Variants in CASK observed in about 807,000 individuals in gnomAD.
CASK encodes the protein peripheral plasma membrane protein CASK.
A neutral mutation model predicts 82.9 loss-of-function variants in CASK; 4 were observed. That is an observed-to-expected ratio of 0.05 (90% CI 0.02 to 0.11). The LOEUF (loss-of-function observed/expected upper bound fraction) is 0.11, where lower values mean the gene tolerates loss of function less well. CASK is among the 10% of genes least tolerant of loss of function. The probability of loss-of-function intolerance (pLI) is 1.00; values close to 1 mark genes in which losing one functional copy is unlikely to be tolerated. For missense variants in CASK, 358 were observed against 720.9 expected, an observed-to-expected ratio of 0.50 and a Z score of 5.76; for synonymous variants, 259 against 253.5, an observed-to-expected ratio of 1.02 and a Z score of -0.20.
intron 12 of CASK, among the ~76,000 whole-genome samples, chrX:41,607,057 C>T (rs2065974113): frequency 8.9e-6 from 1 of 112,595 alleles, no homozygotes; most frequent in South Asian, 3.6e-4. Context: ...TTCAAATTGA[C>T]CTGCACTGAC....
chrX:41,888,342 T>A (rs1038234109), intron 1 of CASK, among the ~76,000 whole-genome samples: 1 of 110,664 alleles, frequency 9.0e-6, no homozygotes, highest in African/African-American at 3.3e-5. Context: ...ATTTTTTTTT[T>A]ATTTCTGAGA....
At chrX:41,765,382 A>T (rs1002542335) in intron 3 of CASK, among the ~76,000 whole-genome samples, 1 of 112,379 alleles carries the variant, frequency 8.9e-6, no homozygotes, top group Non-Finnish European at 1.9e-5. Flanking sequence ...GCGATGCAAA[A>T]TGACACAACA....
At position 41,756,862 on chromosome X, in the gene CASK, C is replaced by G. The variant is rs573110506; in HGVS notation, c.279-11261G>C. On this transcript the variant is annotated intron_variant, in intron 3 of 26. Transcript: ENST00000378163. ...CAGGCAAGCTGACTTACAGTCCATG[C>G]ATTATCCTCCACAAAATGCTCAGGT... Among the ~76,000 whole-genome samples, 36 of 112,266 alleles carry G rather than the reference C, an allele frequency of 3.2e-4. No homozygotes were observed. The South Asian group carries it at 8.5e-3, about 26-fold the overall frequency.
chrX:41,783,427 T>A (rs1357095489), intron 3 of CASK, among the ~76,000 whole-genome samples: 1 of 107,374 alleles, frequency 9.3e-6, no homozygotes, highest in African/African-American at 3.4e-5. Flanking sequence ...TAGCCAGGCG[T>A]GGTGACCTGT....
intron 5 of CASK, among the ~76,000 whole-genome samples, chrX:41,693,671 C>G (rs887529942): frequency 9.0e-6 from 1 of 111,613 alleles, no homozygotes; most frequent in Non-Finnish European, 1.9e-5. Context: ...TCACAAGAAA[C>G]ATGCCTATAC....
At chrX:41,846,909 A>G (rs1439127479) in intron 2 of CASK, among the ~76,000 whole-genome samples, 2 of 111,613 alleles carry the variant, frequency 1.8e-5, no homozygotes, top group Non-Finnish European at 3.8e-5. Context: ...TTCTTGGTAG[A>G]TATTATTTTT....
chrX:41,615,821 T>C (rs1324670946), intron 11 of CASK, among the ~76,000 whole-genome samples: 3 of 110,249 alleles, frequency 2.7e-5, no homozygotes, highest in Non-Finnish European at 5.7e-5. Context: ...GAGACGGGGT[T>C]TCACCATGTC....
At chrX:41,910,578 C>T (rs1301778970) in intron 1 of CASK, among the ~76,000 whole-genome samples, 8 of 111,818 alleles carry the variant, frequency 7.2e-5, no homozygotes, top group African/African-American at 2.6e-4. Flanking sequence ...GGGCCTAATT[C>T]TGAAGCCACC....
At chrX:41,529,561 G>A (rs1171819564) in intron 25 of CASK, 1 of 113,412 alleles carries the variant, frequency 8.8e-6, no homozygotes, top group African/African-American at 3.3e-5. Flanking sequence ...GAAGACCAGT[G>A]TGGAACCCAA....
At chrX:41,880,506 T>C (rs565526527) in intron 1 of CASK, among the ~76,000 whole-genome samples, 2 of 111,616 alleles carry the variant, frequency 1.8e-5, no homozygotes, top group African/African-American at 6.5e-5. Context: ...CTTTCACTGT[T>C]AATAATTTCC....
intron 16 of CASK, among the ~76,000 whole-genome samples, chrX:41,563,040 C>CAAAAA (rs141364032): frequency 0.021 from 444 of 21,594 alleles, no homozygotes; most frequent in Middle Eastern, 0.077. Context: ...GACTCCATCT[C>CAAAAA]AAAAAAAAAA....
intron 1 of CASK, among the ~76,000 whole-genome samples, chrX:41,884,648 T>C (rs2072016651): frequency 8.9e-6 from 1 of 111,924 alleles, no homozygotes; most frequent in Non-Finnish European, 1.9e-5. Context: ...GCTTGGCCAA[T>C]GAGATAAAAG....
chrX:41,869,096 G>A (rs2071646607), intron 1 of CASK, among the ~76,000 whole-genome samples: 1 of 111,316 alleles, frequency 9.0e-6, no homozygotes, highest in African/African-American at 3.3e-5. Context: ...GATGATCTAG[G>A]AGAAAAAGGG....
chrX:41,641,509 CCTA>C (rs2066652703), intron 8 of CASK, among the ~76,000 whole-genome samples: 1 of 111,323 alleles, frequency 9.0e-6, no homozygotes, highest in Non-Finnish European at 1.9e-5. Context: ...TCTTAGATGG[CCTA>C]CTTTTGTTGG....
chrX:41,658,997 G>A (rs970401165), intron 8 of CASK, among the ~76,000 whole-genome samples: 6 of 111,477 alleles, frequency 5.4e-5, no homozygotes, highest in Non-Finnish European at 9.4e-5. Flanking sequence ...GGAGGGGGTT[G>A]TAGGGTCAGG....
At chrX:41,707,989 G>A (rs1014945410) in intron 5 of CASK, among the ~76,000 whole-genome samples, 19 of 110,425 alleles carry the variant, frequency 1.7e-4, no homozygotes, top group African/African-American at 5.3e-4. Flanking sequence ...GTGGTGGCGC[G>A]TGCCTGTAAT....
chrX:41,726,993 C>T (rs773818968), intron 5 of CASK: 1 of 869,463 alleles, frequency 1.2e-6, no homozygotes, highest in African/African-American at 2.0e-5. Context: ...TCTATTCTAG[C>T]TCCTGTGACA....
At chrX:41,869,797 A>C (rs1353009647) in intron 1 of CASK, among the ~76,000 whole-genome samples, 1 of 83,104 alleles carries the variant, frequency 1.2e-5, no homozygotes, top group Non-Finnish European at 2.3e-5. Context: ...TGGGTGATGA[A>C]GTAAGACTCT....
intron 11 of CASK, among the ~76,000 whole-genome samples, chrX:41,616,395 G>T (rs2066197840): frequency 9.0e-6 from 1 of 111,009 alleles, no homozygotes; most frequent in Non-Finnish European, 1.9e-5. Context: ...AAGGTTCATG[G>T]AAGGGCATAA....
Sources: allele counts gnomAD v4.1 joint callset (sites outside exome capture counted in the v4.1 genomes callset), GRCh38; gene constraint gnomAD v4.1.1; transcripts MANE v1.5; gene names NCBI Gene and HGNC (gene_info 2026-07-23, HGNC 2026-07-21).